The following GLIS3 variants were observed in gnomAD, a reference collection of about 807,000 sequenced individuals.
GLIS3 encodes zinc finger protein GLIS3.
Under a neutral mutation model 78.6 loss-of-function variants are expected in GLIS3, and 53 were observed. The ratio of observed to expected loss-of-function variants is 0.67; its 90% CI spans 0.54 to 0.85. The LOEUF (loss-of-function observed/expected upper bound fraction) is 0.85, where lower values mean the gene tolerates loss of function less well. Among genes scored for constraint, GLIS3 ranks in the 40% least tolerant of loss-of-function variants. GLIS3 has a pLI of 0.00. For synonymous variants in GLIS3, 684 were observed against 509.9 expected (o/e 1.34, Z -4.60); for missense variants, 1,703 against 1,231.1 (o/e 1.38, Z -5.74).
At chr9:4,197,882 T>C (rs554356627) in intron 2 of GLIS3, among the ~76,000 whole-genome samples, 23 of 151,088 alleles carry the variant, frequency 1.5e-4, no homozygotes, top group African/African-American at 5.4e-4. Context: ...CAAAAGACCA[T>C]ACCCAGCATT....
At chr9:4,126,052 C>A (rs1198543766) in intron 2 of GLIS3, 111 bp from the exon 3 acceptor site, 2 of 828,208 alleles carry the variant, frequency 2.4e-6, no homozygotes, top group South Asian at 1.5e-5. Flanking sequence ...GTCCTCAGAT[C>A]ATTTTTTTTT....
At chr9:4,479,681 G>C in the GLIS3 span, among the ~76,000 whole-genome samples, 9 of 152,106 alleles carry the variant, frequency 5.9e-5, no homozygotes, top group Admixed American at 5.9e-4. Flanking sequence ...CTGCCTTGCT[G>C]TGTTGGTGTT....
chr9:3,906,472 T>C (rs7854719), intron 6 of GLIS3, among the ~76,000 whole-genome samples: 118 of 152,278 alleles, frequency 7.7e-4, no homozygotes, highest in African/African-American at 2.8e-3. Context: ...GCCTTAAGTT[T>C]TGGCCCGAGG....
intron 2 of GLIS3, among the ~76,000 whole-genome samples, chr9:4,171,757 T>G (rs1471425271): frequency 5.3e-5 from 8 of 152,186 alleles, no homozygotes; most frequent in African/African-American, 1.2e-4. Flanking sequence ...TCTACAGTGG[T>G]TAGGCATTGC....
intron 4 of GLIS3, among the ~76,000 whole-genome samples, chr9:4,007,193 C>G (rs139248038): frequency 1.3e-5 from 2 of 152,300 alleles, no homozygotes; most frequent in African/African-American, 2.4e-5. Flanking sequence ...GTGCTTGAGC[C>G]TGCTTGGTGC....
chr9:4,392,788 A>C, the GLIS3 span, among the ~76,000 whole-genome samples: 4 of 152,318 alleles, frequency 2.6e-5, no homozygotes, highest in African/African-American at 9.6e-5. Flanking sequence ...CTATTCTCTG[A>C]GTCAATCCTA....
chr9:4,150,647 AG>A (rs887612064), intron 2 of GLIS3, among the ~76,000 whole-genome samples: 1 of 152,244 alleles, frequency 6.6e-6, no homozygotes, highest in African/African-American at 2.4e-5. Context: ...AACAATTTCA[AG>A]GGTTTCCCTC....
At chr9:4,072,339 A>G (rs1349612309) in intron 4 of GLIS3, among the ~76,000 whole-genome samples, 1 of 152,194 alleles carries the variant, frequency 6.6e-6, no homozygotes, top group Non-Finnish European at 1.5e-5. Flanking sequence ...AATACTGTGA[A>G]AAGATTCAAA....
intron 9 of GLIS3, among the ~76,000 whole-genome samples, chr9:3,834,170 C>G (rs893966212): frequency 2.0e-5 from 3 of 152,118 alleles, no homozygotes; most frequent in African/African-American, 7.2e-5. Context: ...CACGGAGTCA[C>G]TAGTGTCTCT....
At position 4,224,427 on chromosome 9, in the gene GLIS3, T is replaced by C. The variant is rs572825464; in HGVS notation, c.388+61611A>G. On this transcript the variant is annotated intron_variant, in intron 2 of 10. Transcript: ENST00000381971. ...CATTGAGATGTTCTGTGAGATGTCG[T>C]TCATCATACACTGTCCTCTTTATGA... Among the ~76,000 whole-genome samples the C allele has an allele frequency of 9.9e-4, 151 of 152,324 alleles. 2 individuals carry two copies. The highest frequency in any genetic ancestry group is 3.5e-3 in the African/African-American group (146 of 41,570).
intron 2 of GLIS3, among the ~76,000 whole-genome samples, chr9:4,333,305 G>C (rs903587284): frequency 6.7e-6 from 1 of 148,896 alleles, no homozygotes; most frequent in South Asian, 2.1e-4. Context: ...AAGGGAAAAA[G>C]GAAGAGGAAA....
chr9:3,957,729 TCCCA>T (rs1001242015), intron 4 of GLIS3, among the ~76,000 whole-genome samples: 1 of 152,214 alleles, frequency 6.6e-6, no homozygotes, highest in Non-Finnish European at 1.5e-5. Flanking sequence ...TCATTGTCAT[TCCCA>T]GTCCATCTCA....
At chr9:4,156,340 T>C (rs938097447) in intron 2 of GLIS3, among the ~76,000 whole-genome samples, 4 of 152,226 alleles carry the variant, frequency 2.6e-5, no homozygotes, top group African/African-American at 9.6e-5. Context: ...CCTTACCGAT[T>C]AGCTGATTAA....
At chr9:4,153,784 T>C (rs75295775) in intron 2 of GLIS3, among the ~76,000 whole-genome samples, 1 of 152,224 alleles carries the variant, frequency 6.6e-6, no homozygotes, top group African/African-American at 2.4e-5. Flanking sequence ...ACATGACTTG[T>C]ATACATGTTC....
chr9:4,367,879 C>A, the GLIS3 span, among the ~76,000 whole-genome samples: 7 of 152,078 alleles, frequency 4.6e-5, no homozygotes, highest in African/African-American at 1.7e-4. Flanking sequence ...TTTAATACAA[C>A]GAGGGAAAAT....
intron 4 of GLIS3, among the ~76,000 whole-genome samples, chr9:4,043,267 AT>A (rs147678363): frequency 5.3e-5 from 8 of 151,532 alleles, no homozygotes; most frequent in African/African-American, 9.7e-5. Flanking sequence ...GTCAGAATTA[AT>A]TTTTTTTTCA....
chr9:4,447,631 A>G, the GLIS3 span, among the ~76,000 whole-genome samples: 1 of 152,194 alleles, frequency 6.6e-6, no homozygotes, highest in Non-Finnish European at 1.5e-5. Flanking sequence ...TCCCTTCCTG[A>G]ACCTCAGTCT....
intron 8 of GLIS3, among the ~76,000 whole-genome samples, chr9:3,863,107 AC>A (rs1205343910): frequency 6.6e-6 from 1 of 152,162 alleles, no homozygotes; most frequent in Non-Finnish European, 1.5e-5. Context: ...ATCTAAAAAA[AC>A]CCCGCAATGA....
chr9:4,318,413 T>G (rs1237872894), intron 2 of GLIS3, among the ~76,000 whole-genome samples: 2 of 152,068 alleles, frequency 1.3e-5, no homozygotes, highest in Non-Finnish European at 2.9e-5. Context: ...AATGGCTGAT[T>G]CCAGGACTAG....
Sources: gnomAD v4.1 joint callset for allele counts (sites outside exome capture counted in the v4.1 genomes callset) on GRCh38, gnomAD v4.1.1 for gene constraint, MANE v1.5 for transcripts, NCBI Gene and HGNC (gene_info 2026-07-23, HGNC 2026-07-21) for gene names.